DAB1: variants seen among roughly 807,000 people sequenced by gnomAD.
DAB1 encodes the protein DAB adaptor protein 1, also known as disabled homolog 1.
A neutral mutation model predicts 64.6 loss-of-function variants in DAB1; 15 were observed. The ratio of observed to expected loss-of-function variants is 0.23; its 90% CI spans 0.16 to 0.36. The LOEUF is 0.36. Ranked by LOEUF, DAB1 falls within the 10% of genes least tolerant of loss-of-function variation. DAB1 has a pLI of 1.00. For synonymous variants in DAB1, 235 were observed against 251.9 expected, an observed-to-expected ratio of 0.93 and a Z score of 0.64; for missense variants, 596 against 706.7, an observed-to-expected ratio of 0.84 and a Z score of 1.78.
chr1:58,422,809 C>T (rs1165112145), intron 3 of DAB1, among the ~76,000 whole-genome samples: 2 of 138,628 alleles, frequency 1.4e-5, no homozygotes, highest in African/African-American at 5.3e-5. Context: ...GCTAATGCTA[C>T]TGCAAAAAAA....
intron 3 of DAB1, among the ~76,000 whole-genome samples, chr1:58,490,795 C>CTT (rs148145860): frequency 0.051 from 3,007 of 59,270 alleles, 650 homozygotes; most frequent in East Asian, 0.14. Context: ...AGTCAACATT[C>CTT]TTTTTTTTTT....
At chr1:58,316,246 T>C (rs1220669727) in intron 4 of DAB1, among the ~76,000 whole-genome samples, 1 of 152,216 alleles carries the variant, frequency 6.6e-6, no homozygotes, top group East Asian at 1.9e-4. Context: ...GGCAGGAAGA[T>C]CTGAAGCTGC....
intron 5 of DAB1, among the ~76,000 whole-genome samples, chr1:57,980,451 G>A (rs914501528): frequency 6.6e-6 from 1 of 152,142 alleles, no homozygotes; most frequent in Non-Finnish European, 1.5e-5. Flanking sequence ...CAAATGGGGA[G>A]AATGACATCT....
At position 57,606,512 on chromosome 1, in the gene DAB1, A is replaced by AT. The variant is rs1558535133; in HGVS notation, n.625+43079_625+43080insA. Among the ~76,000 whole-genome samples the AT allele has an allele frequency of 6.6e-3, 562 of 84,584 alleles. 54 individuals are homozygous for AT. The highest frequency in any genetic ancestry group is 0.03 in the African/African-American group (507 of 17,018). The allele number at this position is 84,584 out of a possible 152,430, so 55.5% of individuals were successfully genotyped here. A position where few individuals can be genotyped will look rare whatever the true frequency, so the allele number is the denominator to read the frequency against. ...ATATGAAATATATAATATATAATATAATATATATAATATATAATATATATG... is the reference window on the plus strand; with the variant it reads ...ATATGAAATATATAATATATAATATATATATATATAATATATAATATATATG... On this transcript the variant is annotated intron_variant and non_coding_transcript_variant, in intron 7 of 20. Coordinates refer to the DAB1 transcript ENST00000485760.
chr1:57,721,725 C>T (rs1234835362), intron 6 of DAB1, among the ~76,000 whole-genome samples: 2 of 152,142 alleles, frequency 1.3e-5, no homozygotes, highest in Non-Finnish European at 2.9e-5. Flanking sequence ...TGGTCACCTG[C>T]AGCAGAAGTG....
chr1:57,326,465 G>A (rs1240792213), intron 1 of DAB1, among the ~76,000 whole-genome samples: 1 of 152,146 alleles, frequency 6.6e-6, no homozygotes, highest in African/African-American at 2.4e-5. Flanking sequence ...CCTCTCCACT[G>A]CAGGATTTCT....
intron 4 of DAB1, among the ~76,000 whole-genome samples, chr1:58,291,130 A>G (rs1026532366): frequency 2.0e-5 from 3 of 152,224 alleles, no homozygotes; most frequent in Non-Finnish European, 2.9e-5. Context: ...TGTCCTCGAC[A>G]TCGTAATACA....
At chr1:57,351,095 T>C (rs983835573) in intron 1 of DAB1, among the ~76,000 whole-genome samples, 5 of 152,162 alleles carry the variant, frequency 3.3e-5, no homozygotes, top group Non-Finnish European at 5.9e-5. Context: ...TATGAAGAGA[T>C]GCACTATTAT....
chr1:57,952,306 G>A (rs1645296825), intron 5 of DAB1, among the ~76,000 whole-genome samples: 1 of 152,102 alleles, frequency 6.6e-6, no homozygotes, highest in African/African-American at 2.4e-5. Flanking sequence ...AGACAATGGG[G>A]GATGATGAAG....
chr1:58,241,986 T>C (rs1171932100), intron 4 of DAB1, among the ~76,000 whole-genome samples: 3 of 152,126 alleles, frequency 2.0e-5, no homozygotes, highest in Admixed American at 2.0e-4. Context: ...CCATAAAAGT[T>C]AAATCATCCA....
intron 1 of DAB1, among the ~76,000 whole-genome samples, chr1:57,327,669 T>C (rs12082337): frequency 0.024 from 3,644 of 152,212 alleles, 130 homozygotes; most frequent in African/African-American, 0.082. Context: ...GAAATTTAAA[T>C]GCTAAAACAA....
chr1:57,821,619 A>C (rs1652125286), downstream of DAB1, among the ~76,000 whole-genome samples: 1 of 152,222 alleles, frequency 6.6e-6, no homozygotes, highest in Admixed American at 6.5e-5. Context: ...TGTTATGGAT[A>C]TTATATTGAG....
intron 6 of DAB1, among the ~76,000 whole-genome samples, chr1:57,667,415 A>G (rs1646460724): frequency 6.6e-6 from 1 of 152,092 alleles, no homozygotes; most frequent in African/African-American, 2.4e-5. Context: ...AGAGTGCTTA[A>G]TAATATCTGA....
chr1:58,406,829 A>G (rs1644620466), intron 3 of DAB1, among the ~76,000 whole-genome samples: 1 of 152,018 alleles, frequency 6.6e-6, no homozygotes, highest in Admixed American at 6.6e-5. Context: ...GGGAGTGGGA[A>G]GCTTGACTGA....
chr1:57,036,845 CT>C (rs1193015572), intron 9 of DAB1, among the ~76,000 whole-genome samples: 1 of 152,174 alleles, frequency 6.6e-6, no homozygotes, highest in Non-Finnish European at 1.5e-5. Context: ...CCTATAATCT[CT>C]TTTCAAAACA....
chr1:57,437,350 G>A (rs1371332626), intron 7 of DAB1, among the ~76,000 whole-genome samples: 1 of 152,046 alleles, frequency 6.6e-6, no homozygotes, highest in Non-Finnish European at 1.5e-5. Context: ...AACCTCACAA[G>A]GGAAAAGTCA....
At chr1:58,037,650 C>G (rs1000895652) in intron 5 of DAB1, among the ~76,000 whole-genome samples, 3 of 151,912 alleles carry the variant, frequency 2.0e-5, no homozygotes, top group Non-Finnish European at 4.4e-5. Context: ...CCACCCTGCT[C>G]CATGGAAAAA....
At chr1:58,527,829 C>A (rs1248036701) in intron 1 of DAB1, among the ~76,000 whole-genome samples, 2 of 152,082 alleles carry the variant, frequency 1.3e-5, no homozygotes, top group African/African-American at 2.4e-5. Flanking sequence ...TTTCCTTTTT[C>A]TTTTCTAAGT....
intron 4 of DAB1, among the ~76,000 whole-genome samples, chr1:58,335,753 C>T (rs916393168): frequency 1.3e-5 from 2 of 151,914 alleles, no homozygotes; most frequent in Non-Finnish European, 2.9e-5. Context: ...GGCTATAGGG[C>T]GTGAAAAAGA....
Sources: allele counts gnomAD v4.1 joint callset (sites outside exome capture counted in the v4.1 genomes callset), GRCh38; gene constraint gnomAD v4.1.1; transcripts MANE v1.5; gene names NCBI Gene and HGNC (gene_info 2026-07-23, HGNC 2026-07-21).